FBXO25: variants seen among roughly 807,000 people sequenced by gnomAD.
The protein encoded by FBXO25 is F-box only protein 25.
In FBXO25, 45 loss-of-function variants were observed where a neutral mutation model predicts 51.9. The ratio of observed to expected loss-of-function variants is 0.87; its 90% CI spans 0.68 to 1.11. The LOEUF (loss-of-function observed/expected upper bound fraction) is 1.11, where lower values mean the gene tolerates loss of function less well. Ranked by LOEUF, FBXO25 falls within the 50% of genes most tolerant of loss-of-function variation. The probability of loss-of-function intolerance (pLI) is 0.00; values close to 1 mark genes in which losing one functional copy is unlikely to be tolerated. For missense variants in FBXO25, 507 were observed against 428.5 expected (o/e 1.18, Z -1.62); for synonymous variants, 199 against 151.0 (o/e 1.32, Z -2.33).
At chr8:449,671 G>A (rs908302880) in intron 5 of FBXO25, among the ~76,000 whole-genome samples, 2 of 152,182 alleles carry the variant, frequency 1.3e-5, no homozygotes, top group Non-Finnish European at 2.9e-5. Context: ...TTGCTACAGA[G>A]GCTGGAAAGC....
intron 1 of FBXO25, among the ~76,000 whole-genome samples, chr8:410,467 C>G (rs1218334716): frequency 5.9e-5 from 9 of 151,964 alleles, no homozygotes; most frequent in Admixed American, 2.6e-4. Context: ...TCCACAGTTT[C>G]AAGTTGATAT....
In FBXO25 at chr8:463,103, G is replaced by A; in HGVS notation, c.940G>A (p.Gly314Arg). 2.5e-6 allele frequency: 4 copies of A among 1,613,820 alleles called. No homozygotes were observed. The highest frequency in any genetic ancestry group is 2.2e-5 in the East Asian group (1 of 44,872). Residue 314 changes from glycine to arginine, a missense_variant, in exon 9 of 10, where the codon GGA becomes AGA. Physicochemically the swap from Gly to Arg is moderately radical, Grantham distance 125 (BLOSUM62 -2). Coordinates refer to ENST00000350302, the MANE Select transcript of FBXO25 (RefSeq NM_183420.2). ...QKHYPAKEQY[G>R]DTLHFCRHCS... ...ACATTACCCAGCGAAGGAGCAGTAC[G>A]GAGACACACTGCATTTCTGTCGGCA... is the stretch of plus-strand genomic sequence containing the variant.
rs1228974873 is a variant in FBXO25, at chr8:470,510, G to T, written c.*1706G>T. On this transcript the variant is annotated 3_prime_UTR_variant, in exon 10 of 10. Transcript: ENST00000350302. ...TCCTCCCACCTCAGCCTCCCAAGCAGTCAGGACCACAGGCATATACCACCA... is the reference window on the plus strand; with the variant it reads ...TCCTCCCACCTCAGCCTCCCAAGCATTCAGGACCACAGGCATATACCACCA... 1.3e-5 allele frequency: 2 copies of T among 151,922 alleles called. No homozygotes were observed. Among genetic ancestry groups the T allele is most frequent in the African/African-American group, 4.8e-5 (2 of 41,326 alleles). 9.4% of individuals were successfully genotyped at this position (151,922 alleles called of 1,614,324 possible).
rs938980757 is a variant in FBXO25, at chr8:469,989, C to A, written c.*1185C>A. The A allele has an allele frequency of 6.6e-6, 1 of 152,152 alleles. No individual in the cohort carries two copies. The highest frequency in any genetic ancestry group is 1.5e-5 in the Non-Finnish European group (1 of 68,034). The allele number at this position is 152,152 out of a possible 1,614,324, so 9.4% of individuals were successfully genotyped here. The stretch of plus-strand genomic sequence containing the variant: ...AGTTTCTCCTGAGGCGATGCAAATA[C>A]CTGGGGCCTCTGCGAATATATGTTA... On this transcript the variant is annotated 3_prime_UTR_variant, in exon 10 of 10. Transcript: ENST00000350302.
chr8:460,405 G>C lies in FBXO25; in HGVS notation c.843+1854G>C, dbSNP rs1186299838. 2.0e-5 allele frequency among the ~76,000 whole-genome samples: 3 copies of C among 152,080 alleles called. No individual in the cohort carries two copies. The South Asian group carries it at 6.2e-4, about 32-fold the overall frequency. Reference sequence around the variant, plus strand: ...ACTGAATCATAAAAACACAGCATCAGAAAATAATGATCTGTTCTTCAGGCC... The same window carrying C: ...ACTGAATCATAAAAACACAGCATCACAAAATAATGATCTGTTCTTCAGGCC... On this transcript the variant is annotated intron_variant, in intron 8 of 9. Coordinates refer to ENST00000350302, the MANE Select transcript of FBXO25 (RefSeq NM_183420.2).
At chr8:410,800 A>T (rs1336434212) in intron 1 of FBXO25, among the ~76,000 whole-genome samples, 2 of 152,228 alleles carry the variant, frequency 1.3e-5, no homozygotes, top group Non-Finnish European at 2.9e-5. Flanking sequence ...AATTTAAATT[A>T]ATCATTATGT....
chr8:451,239 A>G, intron 6 of FBXO25, 30 bp from the exon 7 acceptor site: 1 of 1,566,350 alleles, frequency 6.4e-7, no homozygotes, highest in East Asian at 2.2e-5. Context: ...TAACTGTATC[A>G]ATCCATAGTT....
chr8:434,672 AT>A (rs1401228047), intron 4 of FBXO25, among the ~76,000 whole-genome samples: 1 of 151,896 alleles, frequency 6.6e-6, no homozygotes, highest in Non-Finnish European at 1.5e-5. Flanking sequence ...GTTTTCTATT[AT>A]TTTTTTCTAG....
intron 2 of FBXO25, among the ~76,000 whole-genome samples, chr8:421,277 C>T (rs764069431): frequency 3.0e-4 from 46 of 152,214 alleles, no homozygotes; most frequent in Non-Finnish European, 1.3e-4. Context: ...CATCCCCCCT[C>T]CTCGCCCCAG....
chr8:469,504 G>A lies in FBXO25; in HGVS notation c.*700G>A, dbSNP rs1469903403. The A allele has an allele frequency of 6.6e-6, 1 of 152,202 alleles. No individual in the cohort carries two copies. The highest frequency in any genetic ancestry group is 6.5e-5 in the Admixed American group (1 of 15,288). 9.4% of individuals were successfully genotyped at this position (152,202 alleles called of 1,614,324 possible). On this transcript the variant is annotated 3_prime_UTR_variant, in exon 10 of 10. Coordinates refer to ENST00000350302, the MANE Select transcript of FBXO25 (RefSeq NM_183420.2). ...TGGACTGTGATGGGAACAGCCCAGTGCAGTCTAAACTTCAATTGTGTTGAA... is the reference window on the plus strand; with the variant it reads ...TGGACTGTGATGGGAACAGCCCAGTACAGTCTAAACTTCAATTGTGTTGAA...
chr8:449,688 C>G (rs1798958149), intron 5 of FBXO25, among the ~76,000 whole-genome samples: 1 of 152,200 alleles, frequency 6.6e-6, no homozygotes, highest in Admixed American at 6.5e-5. Flanking sequence ...AAGCTAAAAG[C>G]TCCATTTCAG....
rs112108408 is a variant in FBXO25 at position 457,484 on chromosome 8, T to C, written c.661-885T>C. Among the ~76,000 whole-genome samples the C allele has an allele frequency of 7.7e-3, 1,170 of 152,252 alleles. 11 individuals are homozygous for C. Among genetic ancestry groups the C allele is most frequent in the Admixed American group, 0.014 (214 of 15,292 alleles). ...GATGCATTGCATTTACTCTCTGGCG[T>C]GTGTGAGGGAGAAATGGTTTGTAAA... On this transcript the variant is annotated intron_variant, in intron 7 of 9. Transcript: ENST00000350302.
chr8:427,555 C>G (rs1194275960), intron 2 of FBXO25, among the ~76,000 whole-genome samples: 2 of 150,228 alleles, frequency 1.3e-5, no homozygotes, highest in East Asian at 3.9e-4. Flanking sequence ...ACCACAAACT[C>G]AGTGGCTTAA....
In FBXO25 at chr8:471,603, C is replaced by A. The variant is rs909373058; in HGVS notation, c.*2799C>A. The A allele has an allele frequency of 6.6e-6, 1 of 152,214 alleles. No homozygotes were observed. The highest frequency in any genetic ancestry group is 1.5e-5 in the Non-Finnish European group (1 of 68,044). 9.4% of individuals were successfully genotyped at this position (152,214 alleles called of 1,614,324 possible). A position where few individuals can be genotyped will look rare whatever the true frequency, so the allele number is the denominator to read the frequency against. ...ATGCCAGACACTCTCAAGATAGAAT[C>A]TCCAGTCATTCTCGGACCTGTTCTC... On this transcript the variant is annotated 3_prime_UTR_variant, in exon 10 of 10. Coordinates refer to ENST00000350302, the MANE Select transcript of FBXO25 (RefSeq NM_183420.2).
intron 5 of FBXO25, among the ~76,000 whole-genome samples, chr8:445,136 G>A (rs186430360): frequency 2.8e-4 from 43 of 152,254 alleles, no homozygotes; most frequent in African/African-American, 1.0e-3. Context: ...TGTCAACTGT[G>A]AACACGGCCC....
intron 8 of FBXO25, among the ~76,000 whole-genome samples, chr8:460,200 G>A (rs1187102358): frequency 1.3e-5 from 2 of 152,120 alleles, no homozygotes; most frequent in African/African-American, 4.8e-5. Flanking sequence ...TGCCTGGCAG[G>A]TGTTTATACA....
At chr8:463,328 C>G (rs1799940965) in intron 9 of FBXO25, among the ~76,000 whole-genome samples, 178 bp downstream of exon 9, 1 of 152,232 alleles carries the variant, frequency 6.6e-6, no homozygotes, top group African/African-American at 2.4e-5. Context: ...CAATGTGTAG[C>G]TTAAACCAGA....
In FBXO25 at chr8:474,600, G is replaced by C. The variant is rs1489778466; in HGVS notation, c.*5796G>C. 2.5e-6 allele frequency: 1 copy of C among 395,532 alleles called. No homozygotes were observed. Among genetic ancestry groups the C allele is most frequent in the Admixed American group, 3.2e-5 (1 of 31,488 alleles). 24.5% of individuals were successfully genotyped at this position (395,532 alleles called of 1,614,324 possible). On this transcript the variant is annotated 3_prime_UTR_variant, in exon 10 of 10. Transcript: ENST00000350302. The stretch of plus-strand genomic sequence containing the variant: ...TGAGTGTGAAGTGGTATCCTGCTGA[G>C]ATTTTGATTTGCATTTCCGTAATGA...
chr8:458,387 A>G lies in FBXO25; in HGVS notation c.679A>G (p.Thr227Ala). Reference sequence around the variant, plus strand: ...CTTTCAGCAAGTGAACAATGGCCTCACCCTCAGTGACCTTCCTCTGCACAT... The same window carrying G: ...CTTTCAGCAAGTGAACAATGGCCTCGCCCTCAGTGACCTTCCTCTGCACAT... ...QMTKQVNNGLTLSDLPLHMLN... is the reference protein window; with the variant it reads ...QMTKQVNNGLALSDLPLHMLN... Residue 227 changes from threonine to alanine, a missense_variant, in exon 8 of 10, where the codon ACC (threonine) becomes GCC (alanine). Thr to Ala is a moderately conservative substitution (Grantham distance 58). Transcript: ENST00000350302. The G allele has an allele frequency of 6.2e-7, 1 of 1,613,620 alleles. No individual in the cohort carries two copies. Among genetic ancestry groups the G allele is most frequent in the Non-Finnish European group, 8.5e-7 (1 of 1,179,848 alleles).
Sources: gnomAD v4.1 joint callset for allele counts (sites outside exome capture counted in the v4.1 genomes callset) on GRCh38, gnomAD v4.1.1 for gene constraint, MANE v1.5 for transcripts, NCBI Gene and HGNC (gene_info 2026-07-23, HGNC 2026-07-21) for gene names.